The following TTC39C variants were observed in gnomAD, a reference collection of about 807,000 sequenced individuals.
The protein encoded by TTC39C is tetratricopeptide repeat domain 39C.
In TTC39C, 33 loss-of-function variants were observed where a neutral mutation model predicts 76.3. The ratio of observed to expected loss-of-function variants is 0.43; its 90% CI spans 0.33 to 0.58. TTC39C has a LOEUF of 0.58. Among genes scored for constraint, TTC39C ranks in the 20% least tolerant of loss-of-function variants. The pLI, the probability that TTC39C is intolerant of heterozygous loss-of-function variation, is 0.04. For synonymous variants in TTC39C, 254 were observed against 260.6 expected (o/e 0.97, Z 0.24); for missense variants, 595 against 701.4 (o/e 0.85, Z 1.71).
At chr18:24,098,030 A>G (rs993337615) in intron 6 of TTC39C, among the ~76,000 whole-genome samples, 3 of 152,182 alleles carry the variant, frequency 2.0e-5, no homozygotes, top group African/African-American at 7.2e-5. Context: ...TATGTCTTAA[A>G]TAAAACAAGA....
At chr18:24,060,994 TC>T (rs1436267339) in intron 1 of TTC39C, among the ~76,000 whole-genome samples, 3 of 152,202 alleles carry the variant, frequency 2.0e-5, no homozygotes, top group Non-Finnish European at 4.4e-5. Flanking sequence ...TAAGTCACTT[TC>T]TTTTGACTTT....
chr18:24,025,444 A>G (rs1012699296), intron 1 of TTC39C, among the ~76,000 whole-genome samples: 4 of 152,228 alleles, frequency 2.6e-5, no homozygotes, highest in Admixed American at 1.3e-4. Flanking sequence ...TGTTGGTGAC[A>G]TGGTTTTCCA....
Position 24,083,098 on chromosome 18 carries a change from A to G in TTC39C, c.984+17A>G, listed in dbSNP as rs772601795. The G allele has an allele frequency of 1.3e-6, 2 of 1,576,764 alleles. No homozygotes were observed. The highest frequency in any genetic ancestry group is 2.3e-5 in the South Asian group (2 of 85,566). ...CGACTAGAGGTACTGTACCTTCCTC[A>G]TCTTTTTAAAATAAAGCCTCCGATG... On this transcript the variant is annotated intron_variant, in intron 6 of 13. Coordinates refer to ENST00000317571, the MANE Select transcript of TTC39C (RefSeq NM_001135993.2).
At chr18:24,045,372 A>C (rs1243523033) in intron 1 of TTC39C, among the ~76,000 whole-genome samples, 1 of 152,082 alleles carries the variant, frequency 6.6e-6, no homozygotes, top group Non-Finnish European at 1.5e-5. Context: ...ACAGCAAAGT[A>C]TAAGGCGCTC....
At chr18:24,010,621 T>C (rs759912418), upstream of TTC39C, among the ~76,000 whole-genome samples, 10 of 152,232 alleles carry the variant, frequency 6.6e-5, no homozygotes, top group Non-Finnish European at 1.0e-4. Flanking sequence ...CCTGTATTTA[T>C]TTTGATGGAT....
chr18:24,118,735 C>T (rs2084927712), intron 8 of TTC39C, among the ~76,000 whole-genome samples: 1 of 151,686 alleles, frequency 6.6e-6, no homozygotes, highest in Non-Finnish European at 1.5e-5. Context: ...TCACTATAGC[C>T]TCAACCTCCC....
chr18:24,019,144 A>C (rs1305643626), intron 1 of TTC39C, among the ~76,000 whole-genome samples: 1 of 152,128 alleles, frequency 6.6e-6, no homozygotes, highest in African/African-American at 2.4e-5. Flanking sequence ...GGAGCGTGAG[A>C]CGTTTGGAGC....
intron 1 of TTC39C, among the ~76,000 whole-genome samples, chr18:24,062,691 A>C (rs139280523): frequency 1.4e-4 from 22 of 152,298 alleles, no homozygotes; most frequent in African/African-American, 5.1e-4. Context: ...GAATTTAGGT[A>C]GGTACTAAGT....
chr18:24,069,288 T>G lies in TTC39C; in HGVS notation c.460+17T>G. The G allele has an allele frequency of 6.3e-7, 1 of 1,591,318 alleles. No individual in the cohort carries two copies. Among genetic ancestry groups the G allele is most frequent in the Non-Finnish European group, 8.6e-7 (1 of 1,159,596 alleles). ...AATTGTCAGGTATGCTGAAGCATTA[T>G]TTTTAATGGTTTTCAGTATTCAGTG... On this transcript the variant is annotated intron_variant, in intron 4 of 13. Coordinates refer to ENST00000317571, the MANE Select transcript of TTC39C (RefSeq NM_001135993.2).
intron 1 of TTC39C, among the ~76,000 whole-genome samples, chr18:24,060,176 C>A (rs776677534): frequency 6.6e-6 from 1 of 152,186 alleles, no homozygotes; most frequent in Admixed American, 6.5e-5. Flanking sequence ...TGAACTAATT[C>A]ATACTCCCAC....
rs2085169191 is a variant in TTC39C at position 24,134,257 on chromosome 18, G to GGTT, written c.*1683_*1684insGTT. On this transcript the variant is annotated 3_prime_UTR_variant, in exon 14 of 14. Transcript: ENST00000317571. ...TGGTGCCCAAAAATATTGGACATCTGTTTTTTGTTTTTTTTTTTTTTTTTT... is the reference window on the plus strand; with the variant it reads ...TGGTGCCCAAAAATATTGGACATCTGGTTTTTTTTGTTTTTTTTTTTTTTTTTT... The GGTT allele has an allele frequency of 4.1e-5, 2 of 48,688 alleles. No homozygotes were observed. The highest frequency in any genetic ancestry group is 9.2e-5 in the Non-Finnish European group (2 of 21,830). The allele number at this position is 48,688 out of a possible 1,614,324, so 3.0% of individuals were successfully genotyped here.
chr18:24,072,148 A>G (rs955798900), intron 4 of TTC39C, among the ~76,000 whole-genome samples: 1 of 152,032 alleles, frequency 6.6e-6, no homozygotes, highest in African/African-American at 2.4e-5. Flanking sequence ...TTGGGGAAAA[A>G]AAAAAAACAA....
chr18:24,106,284 G>A (rs2084744491), intron 6 of TTC39C, among the ~76,000 whole-genome samples: 1 of 152,172 alleles, frequency 6.6e-6, no homozygotes. Context: ...TGGTGCCCTA[G>A]CTGCCTCCAA....
intron 6 of TTC39C, among the ~76,000 whole-genome samples, chr18:24,088,905 C>G (rs2084481725): frequency 6.6e-6 from 1 of 152,244 alleles, no homozygotes; most frequent in African/African-American, 2.4e-5. Context: ...GACCTTACTT[C>G]CATCCATGAC....
At chr18:24,083,705 A>G (rs1442299726) in intron 6 of TTC39C, among the ~76,000 whole-genome samples, 4 of 152,198 alleles carry the variant, frequency 2.6e-5, no homozygotes, top group Non-Finnish European at 5.9e-5. Context: ...CCAGTGAGTG[A>G]GCCTGGGTTG....
rs190112152 is a variant in TTC39C, at chr18:24,088,871, C to T, written c.984+5790C>T. Among the ~76,000 whole-genome samples the T allele has an allele frequency of 5.7e-4, 87 of 152,332 alleles. 1 individual carries two copies. The highest frequency in any genetic ancestry group is 5.0e-3 in the Admixed American group (76 of 15,300). ...AAGACTTTCTTTACACTTCTATCCC[C>T]GGCGTGCCTGTGTTCTGTCTCTGGA... On this transcript the variant is annotated intron_variant, in intron 6 of 13. Coordinates refer to ENST00000317571, the MANE Select transcript of TTC39C (RefSeq NM_001135993.2).
intron 1 of TTC39C, among the ~76,000 whole-genome samples, chr18:24,031,037 C>T (rs2083663083): frequency 6.6e-6 from 1 of 151,824 alleles, no homozygotes. Flanking sequence ...GCCTCCAATT[C>T]CTGCATTTAA....
chr18:24,020,906 T>TA (rs1282433353), intron 1 of TTC39C, among the ~76,000 whole-genome samples: 4 of 151,918 alleles, frequency 2.6e-5, no homozygotes, highest in South Asian at 2.1e-4. Flanking sequence ...ATTTTTTTTT[T>TA]AAAGGGAGAG....
At chr18:24,103,631 A>G (rs1299714900) in intron 6 of TTC39C, among the ~76,000 whole-genome samples, 1 of 152,032 alleles carries the variant, frequency 6.6e-6, no homozygotes, top group Non-Finnish European at 1.5e-5. Flanking sequence ...CACATTGGAG[A>G]GTCACTTTCT....
Sources: allele counts gnomAD v4.1 joint callset (sites outside exome capture counted in the v4.1 genomes callset), GRCh38; gene constraint gnomAD v4.1.1; transcripts MANE v1.5; gene names NCBI Gene and HGNC (gene_info 2026-07-23, HGNC 2026-07-21).